Variants in HR observed in about 807,000 individuals in gnomAD.
The protein encoded by HR is HR lysine demethylase and nuclear receptor corepressor.
A neutral mutation model predicts 128.6 loss-of-function variants in HR; 83 were observed. The ratio of observed to expected loss-of-function variants is 0.65; its 90% CI spans 0.54 to 0.77. The LOEUF (loss-of-function observed/expected upper bound fraction) is 0.77. HR is among the 30% of genes least tolerant of loss of function. The pLI is 0.00. For synonymous variants in HR, 681 were observed against 658.2 expected, an observed-to-expected ratio of 1.03 and a Z score of -0.53; for missense variants, 1,490 against 1,574.6, an observed-to-expected ratio of 0.95 and a Z score of 0.91.
chr8:22,127,979 G>A, intron 2 of HR, 150 bp from the exon 3 acceptor site: 2 of 811,716 alleles, frequency 2.5e-6, no homozygotes, highest in Non-Finnish European at 4.1e-6. Context: ...TCTCTGGAGT[G>A]CCTCTGACAC....
chr8:22,127,370 G>A lies in HR; in HGVS notation c.1072C>T (p.Pro358Ser). Residue 358 changes from proline (P) to serine (S), a missense_variant, in exon 3 of 19, where the codon CCC (proline) becomes TCC (serine). Physicochemically the swap from Pro to Ser is moderately conservative, Grantham distance 74 (BLOSUM62 -1). This residue lies in a region of HR where 1,060 missense variants were observed against 1,060.9 expected (regional missense o/e 1.00). Coordinates refer to ENST00000381418, the MANE Select transcript of HR (RefSeq NM_005144.5). ...LEGGASGASEPSEEVNKASGP... is the reference protein window; with the variant it reads ...LEGGASGASESSEEVNKASGP... ...GAGGCCTTGTTCACTTCCTCGCTGG[G>A]TTCGCTGGCTCCACTGGCACCCCCC... 6.2e-7 allele frequency: 1 copy of A among 1,613,378 alleles called. No individual in the cohort carries two copies. The highest frequency in any genetic ancestry group is 2.2e-5 in the East Asian group (1 of 44,852).
rs1033460449 is a variant in HR at position 22,129,132 on chromosome 8, G to C, written c.39C>G (p.Thr13=). Residue 13 remains threonine, a synonymous_variant, in exon 2 of 19, where the codon ACC becomes ACG. Transcript: ENST00000381418. ...CGTTCTCTGGGGCCGTCTTCTCCCA[G>C]GTTGGGGTGCCCTTCAGGAAGCTGG... ...STPSFLKGTP[T]WEKTAPENGI... The C allele has an allele frequency of 6.4e-7, 1 of 1,555,552 alleles. No individual in the cohort carries two copies. Among genetic ancestry groups the C allele is most frequent in the Non-Finnish European group, 8.7e-7 (1 of 1,154,622 alleles).
At chr8:22,127,874 C>T (rs1158670672) in intron 2 of HR, 45 bp from the exon 3 acceptor site, 1 of 1,571,444 alleles carries the variant, frequency 6.4e-7, no homozygotes, top group African/African-American at 1.3e-5. Flanking sequence ...CTTGGGCTCC[C>T]CATGCCTAAA....
In HR at chr8:22,127,543, C is replaced by A. The variant is rs150007745; in HGVS notation, c.899G>T (p.Gly300Val). ...TGGCCCCAGCTGGTACCCAAGGTTC[C>A]CATCGCCTGGCCCAGCCCAGACGTT... Reference protein sequence around the residue: ...LGNVWAGPGDGNLGYQLGPPA... With the variant: ...LGNVWAGPGDVNLGYQLGPPA... The change falls in exon 3 of 19, where the codon GGG becomes GTG. Residue 300 changes from glycine (G) to valine (V), a missense_variant. Gly to Val is a moderately radical substitution (Grantham distance 109). Coordinates refer to ENST00000381418, the MANE Select transcript of HR (RefSeq NM_005144.5). 2 of 1,612,992 alleles carry A rather than the reference C, an allele frequency of 1.2e-6. No homozygotes were observed. Among genetic ancestry groups the A allele is most frequent in the African/African-American group, 2.7e-5 (2 of 74,948 alleles).
chr8:22,127,365 G>A lies in HR; in HGVS notation c.1077C>T (p.Ser359=), dbSNP rs766342643. ...GGCCAGAGGCCTTGTTCACTTCCTC[G>A]CTGGGTTCGCTGGCTCCACTGGCAC... ...EGGASGASEP[S]EEVNKASGPR... is the part of the protein sequence containing the mutation. Residue 359 remains serine, a synonymous_variant, in exon 3 of 19, where the codon AGC becomes AGT. Coordinates refer to ENST00000381418, the MANE Select transcript of HR (RefSeq NM_005144.5). The A allele has an allele frequency of 1.8e-5, 29 of 1,613,234 alleles. No individual in the cohort carries two copies. Among genetic ancestry groups the A allele is most frequent in the Admixed American group, 5.0e-5 (3 of 60,000 alleles).
At chr8:22,128,272 C>G (rs988378705) in intron 2 of HR, 1 of 560,870 alleles carries the variant, frequency 1.8e-6, no homozygotes, top group South Asian at 2.0e-5. Flanking sequence ...CCTCCCAGGA[C>G]AAGCCACACA....
At chr8:22,123,617 T>TCCC in intron 6 of HR, 32 bp downstream of exon 6, 3 of 292,092 alleles carry the variant, frequency 1.0e-5, no homozygotes, top group Admixed American at 5.0e-5. Flanking sequence ...GAGGGCTCCA[T>TCCC]CCCGCCCTCC....
Position 22,129,142 on chromosome 8 carries a change from C to A in HR, c.29G>T (p.Gly10Val). 1.9e-6 allele frequency: 3 copies of A among 1,550,276 alleles called. No individual in the cohort carries two copies. The highest frequency in any genetic ancestry group is 2.5e-5 in the South Asian group (2 of 78,710). MESTPSFLK[G>V]TPTWEKTAPE... ...GGCCGTCTTCTCCCAGGTTGGGGTG[C>A]CCTTCAGGAAGCTGGGCGTACTCTC... Residue 10 changes from glycine to valine, a missense_variant, in exon 2 of 19, where the codon GGC (glycine) becomes GTC (valine). Gly to Val is a moderately radical substitution (Grantham distance 109). Transcript: ENST00000381418.
chr8:22,121,907 A>C (rs1826764751), intron 8 of HR, among the ~76,000 whole-genome samples: 1 of 152,240 alleles, frequency 6.6e-6, no homozygotes, highest in African/African-American at 2.4e-5. Context: ...TAAAATAGAC[A>C]AATGGCTGGA....
intron 6 of HR, 90 bp downstream of exon 6, chr8:22,123,559 T>C (rs746792901): frequency 2.9e-5 from 39 of 1,329,516 alleles, no homozygotes; most frequent in Non-Finnish European, 3.8e-5. Flanking sequence ...GGGGGCTTTT[T>C]GGGGAGAGGC....
At position 22,129,005 on chromosome 8, in the gene HR, T is replaced by C; in HGVS notation, c.166A>G (p.Thr56Ala). 2 of 1,612,028 alleles carry C rather than the reference T, an allele frequency of 1.2e-6. No homozygotes were observed. The highest frequency in any genetic ancestry group is 2.2e-5 in the East Asian group (1 of 44,834). ...CCAGGGGGAAGCCAGGAGTCTGGGG[T>C]GCTCAGGACGCCCCTCCAAAAGGGA... ...PAPFWRGVLSTPDSWLPPGFP... is the reference protein window; with the variant it reads ...PAPFWRGVLSAPDSWLPPGFP... Residue 56 changes from threonine (T) to alanine (A), a missense_variant, in exon 2 of 19, where the codon ACC (threonine) becomes GCC (alanine). By Grantham distance (58) the Thr-to-Ala change is moderately conservative. Coordinates refer to ENST00000381418, the MANE Select transcript of HR (RefSeq NM_005144.5).
intron 14 of HR, among the ~76,000 whole-genome samples, chr8:22,119,559 A>G (rs1447801641): frequency 6.6e-6 from 1 of 151,932 alleles, no homozygotes; most frequent in Non-Finnish European, 1.5e-5. Context: ...GTGAGCCGAG[A>G]TAGTGCCATT....
chr8:22,127,666 C>G lies in HR; in HGVS notation c.776G>C (p.Arg259Pro). 2 of 1,608,980 alleles carry G rather than the reference C, an allele frequency of 1.2e-6. No individual in the cohort carries two copies. Among genetic ancestry groups the G allele is most frequent in the Admixed American group, 1.7e-5 (1 of 59,986 alleles). Reference protein sequence around the residue: ...HQRDGEMGAGRQQNPCPLFLG... With the variant: ...HQRDGEMGAGPQQNPCPLFLG... ...GAAGAGCGGGCAAGGATTCTGCTGC[C>G]GGCCAGCTCCCATCTCTCCATCCCT... The change falls in exon 3 of 19, where the codon CGG (arginine) becomes CCG (proline). Residue 259 changes from arginine (R) to proline (P), a missense_variant. Arg to Pro is a moderately radical substitution (Grantham distance 103). Transcript: ENST00000381418.
rs1826580838 is a variant in HR, at chr8:22,116,195, C to A, written c.3507+105G>T. ...ACTCTGCCCCTGCACAGGGTGGCTG[C>A]CTGCTTGGCACAGGGTGGGATCTGC... On this transcript the variant is annotated intron_variant, in intron 18 of 18. Coordinates refer to ENST00000381418, the MANE Select transcript of HR (RefSeq NM_005144.5). The surrounding 1 kb of genome is among the most constrained non-coding windows in gnomAD (Gnocchi z 4.2). The A allele has an allele frequency of 6.6e-6, 10 of 1,525,840 alleles. No homozygotes were observed. The Admixed American group carries it at 1.7e-4, about 26-fold the overall frequency. 94.5% of individuals were successfully genotyped at this position (1,525,840 alleles called of 1,614,324 possible).
In HR at chr8:22,129,084, G is replaced by A. The variant is rs1826982986; in HGVS notation, c.87C>T (p.Gly29=). 2 of 1,576,058 alleles carry A rather than the reference G, an allele frequency of 1.3e-6. No homozygotes were observed. The highest frequency in any genetic ancestry group is 1.4e-5 in the African/African-American group (1 of 73,628). The change falls in exon 2 of 19, where the codon GGC becomes GGT. Residue 29 remains glycine, a synonymous_variant. Coordinates refer to ENST00000381418, the MANE Select transcript of HR (RefSeq NM_005144.5). ...PENGIVRQEP[G]SPPRDGLHHG... ...GGTGCAGTCCATCTCGAGGCGGGCT[G>A]CCGGGCTCCTGTCTCACGATGCCGT... is the stretch of plus-strand genomic sequence containing the variant.
At position 22,121,623 on chromosome 8, in the gene HR, G is replaced by A; in HGVS notation, c.2193C>T (p.Ser731=). The change falls in exon 9 of 19, where the codon AGC becomes AGT. Residue 731 remains serine (S), a synonymous_variant. Transcript: ENST00000381418. ...AGAGGAGCCGCTCACCCTCTTTGATGCTCTTGGTCCTGTGGGTGTCGCCAT... is the reference window on the plus strand; with the variant it reads ...AGAGGAGCCGCTCACCCTCTTTGATACTCTTGGTCCTGTGGGTGTCGCCAT... The part of the protein sequence containing the change: ...SCNGDTHRTK[S]IKEETPDSAE... 1 of 1,614,120 alleles carries A rather than the reference G, an allele frequency of 6.2e-7. No homozygotes were observed. Among genetic ancestry groups the A allele is most frequent in the African/African-American group, 1.3e-5 (1 of 75,034 alleles).
In HR at chr8:22,115,622, A is replaced by G; in HGVS notation, c.*78T>C. The stretch of plus-strand genomic sequence containing the variant: ...AGAAATCCCCAAGTCCCCTAGCGCC[A>G]TCCCCTGCTGAAGTTGTGCCTGGGC... On this transcript the variant is annotated 3_prime_UTR_variant, in exon 19 of 19. Coordinates refer to ENST00000381418, the MANE Select transcript of HR (RefSeq NM_005144.5). 2 of 1,247,766 alleles carry G rather than the reference A, an allele frequency of 1.6e-6. No individual in the cohort carries two copies. Among genetic ancestry groups the G allele is most frequent in the Admixed American group, 3.4e-5 (2 of 58,344 alleles). 77.3% of individuals were successfully genotyped at this position (1,247,766 alleles called of 1,614,324 possible).
chr8:22,118,813 G>T, intron 16 of HR, 137 bp downstream of exon 16: 2 of 712,380 alleles, frequency 2.8e-6, no homozygotes, highest in East Asian at 5.4e-5. Context: ...GCACCTGTCT[G>T]TGCGAGTTGG....
chr8:22,116,771 G>T lies in HR; in HGVS notation c.3378+104C>A. The T allele has an allele frequency of 6.9e-7, 1 of 1,449,170 alleles. No individual in the cohort carries two copies. The highest frequency in any genetic ancestry group is 9.4e-7 in the Non-Finnish European group (1 of 1,068,568). The allele number at this position is 1,449,170 out of a possible 1,614,324, so 89.8% of individuals were successfully genotyped here. On this transcript the variant is annotated intron_variant, in intron 17 of 18. Coordinates refer to ENST00000381418, the MANE Select transcript of HR (RefSeq NM_005144.5). This position sits in a 1 kb window ranked among gnomAD's most constrained non-coding sequence, Gnocchi z 4.2. ...ACAGCAGCGTGCGGCTCCCTGCCCT[G>T]CCCGGCTCTTGGGTATTGAGGGGAT...
Sources: gnomAD v4.1 joint callset for allele counts (sites outside exome capture counted in the v4.1 genomes callset) on GRCh38, gnomAD v4.1.1 for gene constraint, gnomAD v4.1.1 regional missense constraint, Gnocchi (gnomAD v3.1) non-coding constraint, MANE v1.5 for transcripts, NCBI Gene and HGNC (gene_info 2026-07-23, HGNC 2026-07-21) for gene names.